CHFR: variants seen among roughly 807,000 people sequenced by gnomAD.
CHFR encodes checkpoint with forkhead and ring finger domains, also known as E3 ubiquitin-protein ligase CHFR.
Under a neutral mutation model 87.6 loss-of-function variants are expected in CHFR, and 57 were observed. The ratio of observed to expected loss-of-function variants is 0.65; its 90% CI spans 0.53 to 0.81. CHFR has a LOEUF of 0.81. Ranked by LOEUF, CHFR falls within the 30% of genes least tolerant of loss-of-function variation. The pLI, the probability that CHFR is intolerant of heterozygous loss-of-function variation, is 0.00. For missense variants in CHFR, 797 were observed against 865.8 expected, an observed-to-expected ratio of 0.92 and a Z score of 1.00; for synonymous variants, 381 against 359.2, an observed-to-expected ratio of 1.06 and a Z score of -0.69.
chr12:132,844,792 G>A (rs1047358640), intron 15 of CHFR, among the ~76,000 whole-genome samples: 9 of 151,854 alleles, frequency 5.9e-5, no homozygotes, highest in Admixed American at 2.6e-4. Flanking sequence ...CACCGTGCCC[G>A]GCTAATGTTT....
At chr12:132,875,384 G>A (rs1233700806) in intron 3 of CHFR, among the ~76,000 whole-genome samples, 1 of 152,202 alleles carries the variant, frequency 6.6e-6, no homozygotes, top group Non-Finnish European at 1.5e-5. Context: ...GCTCACACTT[G>A]CAATCCCAGC....
rs547594947 is a variant in CHFR, at chr12:132,885,830, C to T, written c.133+1366G>A. 1.6e-4 allele frequency among the ~76,000 whole-genome samples: 25 copies of T among 152,294 alleles called. No individual in the cohort carries two copies. In the South Asian group the frequency reaches 5.0e-3, roughly 30 times the overall value. ...CAGATTGGAAACCCACATAATTTGT[C>T]TCTAGGGCCTCTGCTCTTCACCAAA... On this transcript the variant is annotated intron_variant, in intron 2 of 17. Transcript: ENST00000450056.
At chr12:132,874,150 T>A (rs1951560308) in intron 3 of CHFR, among the ~76,000 whole-genome samples, 1 of 152,264 alleles carries the variant, frequency 6.6e-6, no homozygotes, top group African/African-American at 2.4e-5. Context: ...CAGACCCATA[T>A]CGGACTCTGG....
chr12:132,835,439 A>G lies in CHFR; in HGVS notation c.*6115T>C, dbSNP rs1256451672. On this transcript the variant is annotated 3_prime_UTR_variant, in exon 18 of 18. Coordinates refer to ENST00000450056, the MANE Select transcript of CHFR (RefSeq NM_001161346.2). ...CACGTGGGCCATGCTAATCTTCTCT[A>G]TATCGTTCCAGTTTTAGTAGGTGTG... The G allele has an allele frequency of 1.3e-5, 2 of 153,772 alleles. No homozygotes were observed. The highest frequency in any genetic ancestry group is 2.4e-5 in the African/African-American group (1 of 41,410). 9.5% of individuals were successfully genotyped at this position (153,772 alleles called of 1,614,324 possible).
intron 4 of CHFR, 171 bp downstream of exon 4, chr12:132,872,114 C>T (rs913358404): frequency 5.4e-6 from 3 of 553,728 alleles, no homozygotes. Flanking sequence ...AAAGTCGACA[C>T]TCCCACTCAA....
At chr12:132,875,571 C>T (rs748380162) in intron 3 of CHFR, among the ~76,000 whole-genome samples, 2 of 151,976 alleles carry the variant, frequency 1.3e-5, no homozygotes, top group Middle Eastern at 3.4e-3. Context: ...TGCAGTGAGC[C>T]GAGATCGCAC....
At chr12:132,842,088 G>A (rs1199230368) in intron 17 of CHFR, among the ~76,000 whole-genome samples, 1 of 129,310 alleles carries the variant, frequency 7.7e-6, no homozygotes, top group Non-Finnish European at 1.6e-5. Context: ...CAGCCTGGCA[G>A]ACAGAGCGAG....
rs1315897901 is a variant in CHFR, at chr12:132,834,175, T to G, written c.*7379A>C. On this transcript the variant is annotated 3_prime_UTR_variant, in exon 18 of 18. Transcript: ENST00000450056. ...TACGTGGTGGGCCTGGGGTCCCCAC[T>G]GGAAACAGCTCTCTTTGACAACATG... The G allele has an allele frequency of 6.6e-6, 1 of 152,318 alleles. No individual in the cohort carries two copies. The highest frequency in any genetic ancestry group is 1.5e-5 in the Non-Finnish European group (1 of 68,164). 9.4% of individuals were successfully genotyped at this position (152,318 alleles called of 1,614,324 possible).
At chr12:132,858,837 A>T (rs141279129) in intron 8 of CHFR, among the ~76,000 whole-genome samples, 53 of 149,150 alleles carry the variant, frequency 3.6e-4, no homozygotes, top group Middle Eastern at 3.6e-3. Flanking sequence ...CCAGCAACTC[A>T]GAAGGCTGAG....
intron 5 of CHFR, 116 bp from the exon 6 acceptor site, chr12:132,869,914 G>C: frequency 7.9e-7 from 1 of 1,257,994 alleles, no homozygotes; most frequent in South Asian, 1.4e-5. Context: ...TCTTAAGAAT[G>C]CAACAGCCCC....
intron 6 of CHFR, among the ~76,000 whole-genome samples, chr12:132,868,394 C>G (rs992009793): frequency 6.6e-6 from 1 of 152,152 alleles, no homozygotes; most frequent in Non-Finnish European, 1.5e-5. Context: ...GAGGCTGAGG[C>G]AGGAAAATGG....
intron 3 of CHFR, 104 bp downstream of exon 3, chr12:132,877,451 C>T (rs1951654441): frequency 3.1e-6 from 2 of 644,504 alleles, no homozygotes; most frequent in African/African-American, 3.7e-5. Context: ...ACACTAAAGA[C>T]AGCATTTCTT....
At chr12:132,887,102 CTG>C in intron 2 of CHFR, 92 bp downstream of exon 2, 1 of 1,090,866 alleles carries the variant, frequency 9.2e-7, no homozygotes, top group Non-Finnish European at 1.2e-6. Flanking sequence ...ACGGAAAAAT[CTG>C]GAGCGCACAC....
intron 6 of CHFR, among the ~76,000 whole-genome samples, chr12:132,863,644 A>G (rs1951267299): frequency 6.6e-6 from 1 of 152,218 alleles, no homozygotes; most frequent in South Asian, 2.1e-4. Context: ...AAGAGGTGTG[A>G]TAACGGGAAG....
At chr12:132,887,419 C>CGGG (rs1207253429) in intron 1 of CHFR, 79 bp from the exon 2 acceptor site, 4 of 1,105,036 alleles carry the variant, frequency 3.6e-6, no homozygotes, top group Non-Finnish European at 4.5e-6. Flanking sequence ...CCCCGCGGGC[C>CGGG]CCGGCCCGGC....
intron 2 of CHFR, among the ~76,000 whole-genome samples, chr12:132,881,561 G>A (rs948319800): frequency 6.6e-6 from 1 of 152,028 alleles, no homozygotes; most frequent in Admixed American, 6.6e-5. Flanking sequence ...CACCAAATAA[G>A]AATTGGCTGA....
chr12:132,874,574 G>A lies in CHFR; in HGVS notation c.234-2180C>T, dbSNP rs528938408. ...GAACAGGCGGGACTGCCCAGGACCAGCACCCAGCGTGGGAAAGCCAGGCCC... is the reference window on the plus strand; with the variant it reads ...GAACAGGCGGGACTGCCCAGGACCAACACCCAGCGTGGGAAAGCCAGGCCC... On this transcript the variant is annotated intron_variant, in intron 3 of 17. Coordinates refer to ENST00000450056, the MANE Select transcript of CHFR (RefSeq NM_001161346.2). Among the ~76,000 whole-genome samples the A allele has an allele frequency of 1.4e-3, 206 of 150,336 alleles. 1 individual carries two copies. Among genetic ancestry groups the A allele is most frequent in the Non-Finnish European group, 2.4e-3 (163 of 67,510 alleles).
chr12:132,868,499 C>G (rs1951403589), intron 6 of CHFR, among the ~76,000 whole-genome samples: 1 of 142,984 alleles, frequency 7.0e-6, no homozygotes, highest in Admixed American at 7.2e-5. Context: ...GAGACTCCAT[C>G]TCAAAACAAA....
Position 132,872,385 on chromosome 12 carries a change from T to C in CHFR, c.243A>G (p.Gly81=). ...QVTLEDTSTS[G]TVINKLKVVK... is the part of the protein sequence containing the mutation. ...CAACCTTCAGCTTGTTAATCACTGT[T>C]CCACTGGTGCTGTAAAAAAACAAAA... The change falls in exon 4 of 18, where the codon GGA becomes GGG. Residue 81 remains glycine (G), a synonymous_variant. Transcript: ENST00000450056. The C allele has an allele frequency of 6.2e-7, 1 of 1,610,496 alleles. No individual in the cohort carries two copies. The highest frequency in any genetic ancestry group is 8.5e-7 in the Non-Finnish European group (1 of 1,176,850).
Sources: gnomAD v4.1 joint callset for allele counts (sites outside exome capture counted in the v4.1 genomes callset) on GRCh38, gnomAD v4.1.1 for gene constraint, MANE v1.5 for transcripts, NCBI Gene and HGNC (gene_info 2026-07-23, HGNC 2026-07-21) for gene names.